Variants in FARP1 observed in about 807,000 individuals in gnomAD.
FARP1 encodes the protein FERM, ARH/RhoGEF and pleckstrin domain protein 1.
FARP1 carries 52 observed loss-of-function variants against 128.8 expected under a neutral mutation model. That is an observed-to-expected ratio of 0.40 (90% CI 0.32 to 0.51). The LOEUF is 0.51. Ranked by LOEUF, FARP1 falls within the 20% of genes least tolerant of loss-of-function variation. The pLI is 0.45. For synonymous variants in FARP1, 580 were observed against 551.8 expected (o/e 1.05, Z -0.72); for missense variants, 1,333 against 1,367.9 (o/e 0.97, Z 0.40).
At position 98,153,489 on chromosome 13, in the gene FARP1, C is replaced by T. The variant is rs60172046; in HGVS notation, c.-24+9997C>T. 4.1e-4 allele frequency among the ~76,000 whole-genome samples: 38 copies of T among 91,620 alleles called. 1 individual carries two copies. Among genetic ancestry groups the T allele is most frequent in the Middle Eastern group, 5.4e-3 (1 of 186 alleles). The allele number at this position is 91,620 out of a possible 152,430, so 60.1% of individuals were successfully genotyped here. A position where few individuals can be genotyped will look rare whatever the true frequency, so the allele number is the denominator to read the frequency against. On this transcript the variant is annotated intron_variant, in intron 1 of 26. Coordinates refer to ENST00000319562, the MANE Select transcript of FARP1 (RefSeq NM_005766.4). Reference sequence around the variant, plus strand: ...ATATAAATATGTATAATATATAATACATTATATAAAAATATGTATAAATAT... The same window carrying T: ...ATATAAATATGTATAATATATAATATATTATATAAAAATATGTATAAATAT...
intron 2 of FARP1, among the ~76,000 whole-genome samples, chr13:98,282,669 C>T (rs1884986260): frequency 6.6e-6 from 1 of 152,160 alleles, no homozygotes; most frequent in Non-Finnish European, 1.5e-5. Flanking sequence ...CTTTGAGAGG[C>T]CGAGGCAGGC....
chr13:98,307,916 G>A (rs1207374672), intron 2 of FARP1, among the ~76,000 whole-genome samples: 2 of 152,056 alleles, frequency 1.3e-5, no homozygotes, highest in Non-Finnish European at 2.9e-5. Flanking sequence ...AGCAAGGCAC[G>A]CAAGATCGTT....
chr13:98,349,727 A>G (rs1888335465), intron 3 of FARP1, among the ~76,000 whole-genome samples: 1 of 151,110 alleles, frequency 6.6e-6, no homozygotes, highest in South Asian at 2.1e-4. Context: ...GCCTGATAAA[A>G]TCAATTCTGG....
intron 2 of FARP1, among the ~76,000 whole-genome samples, chr13:98,262,391 C>T (rs548150874): frequency 2.4e-4 from 36 of 152,208 alleles, no homozygotes; most frequent in Admixed American, 7.8e-4. Flanking sequence ...ACAACACCCT[C>T]AGCTGGTTTT....
intron 17 of FARP1, among the ~76,000 whole-genome samples, chr13:98,429,196 G>A (rs913403506): frequency 1.1e-4 from 17 of 152,224 alleles, no homozygotes; most frequent in African/African-American, 3.6e-4. Context: ...CAGTGAGTGC[G>A]GGAGGATGCA....
chr13:98,299,386 C>T (rs1221231072), intron 2 of FARP1, among the ~76,000 whole-genome samples: 1 of 152,168 alleles, frequency 6.6e-6, no homozygotes, highest in Non-Finnish European at 1.5e-5. Flanking sequence ...CTCTGGCTGG[C>T]TCTATTTGAA....
chr13:98,383,382 A>G (rs116839748), intron 6 of FARP1, among the ~76,000 whole-genome samples: 20 of 152,322 alleles, frequency 1.3e-4, no homozygotes, highest in African/African-American at 4.8e-4. Context: ...GGTCTTTCGG[A>G]TGATGAGGAA....
At chr13:98,213,165 C>T in intron 1 of FARP1, 55 bp from the exon 2 acceptor site, 1 of 1,460,792 alleles carries the variant, frequency 6.8e-7, no homozygotes, top group Non-Finnish European at 9.3e-7. Flanking sequence ...TGGCACACAG[C>T]TTGGGTGGTA....
At chr13:98,226,459 A>G (rs1881773969) in intron 2 of FARP1, among the ~76,000 whole-genome samples, 1 of 150,700 alleles carries the variant, frequency 6.6e-6, no homozygotes. Context: ...CACAGGTACC[A>G]GGGATTAGGA....
intron 1 of FARP1, among the ~76,000 whole-genome samples, chr13:98,200,351 A>G (rs1434516474): frequency 3.3e-5 from 5 of 151,076 alleles, no homozygotes; most frequent in South Asian, 2.1e-4. Context: ...TTCTCAGACC[A>G]GAGCCTGCAT....
At chr13:98,382,578 A>G (rs1365475148) in intron 6 of FARP1, 2 of 152,222 alleles carry the variant, frequency 1.3e-5, no homozygotes, top group Non-Finnish European at 2.9e-5. Flanking sequence ...GTCAGGGCTC[A>G]TTATTCTCAG....
intron 1 of FARP1, among the ~76,000 whole-genome samples, chr13:98,197,050 G>C (rs1879604622): frequency 6.6e-6 from 1 of 152,196 alleles, no homozygotes; most frequent in African/African-American, 2.4e-5. Context: ...TGTGTGGTCT[G>C]CTTTTTAATG....
chr13:98,283,291 C>G (rs141540542), intron 2 of FARP1, among the ~76,000 whole-genome samples: 1 of 152,124 alleles, frequency 6.6e-6, no homozygotes, highest in Non-Finnish European at 1.5e-5. Flanking sequence ...TAGAGGAAGC[C>G]GTTCATGCAA....
chr13:98,222,328 A>G (rs1204683983), intron 2 of FARP1, among the ~76,000 whole-genome samples: 2 of 152,214 alleles, frequency 1.3e-5, no homozygotes. Flanking sequence ...ACCCTCTGAA[A>G]AATCCCTTGC....
rs377646202 is a variant in FARP1, at chr13:98,238,289, C to A, written c.171+24876C>A. Among the ~76,000 whole-genome samples the A allele has an allele frequency of 2.6e-5, 4 of 152,292 alleles. No individual in the cohort carries two copies. In the East Asian group the frequency reaches 7.7e-4, roughly 29 times the overall value. On this transcript the variant is annotated intron_variant, in intron 2 of 26. Transcript: ENST00000319562. ...CAACCCCTCCTCTTCCTCCTCAGCC[C>A]ACTTGAGGTGACGCTGTTGAGGATG...
intron 1 of FARP1, among the ~76,000 whole-genome samples, chr13:98,165,886 T>G: frequency 6.6e-6 from 1 of 151,596 alleles, no homozygotes; most frequent in Admixed American, 6.6e-5. Flanking sequence ...CCTGGCTAAT[T>G]TTTTTGTATT....
intron 13 of FARP1, chr13:98,403,552 G>T (rs768252157): frequency 4.6e-5 from 7 of 152,240 alleles, no homozygotes; most frequent in Non-Finnish European, 1.0e-4. Context: ...GGGGAAGTGG[G>T]TGGGAATGTA....
At chr13:98,347,557 T>A (rs1207666741) in intron 3 of FARP1, among the ~76,000 whole-genome samples, 2 of 151,898 alleles carry the variant, frequency 1.3e-5, no homozygotes, top group Admixed American at 1.3e-4. Flanking sequence ...TGCAGTGGCA[T>A]ACAACAAGCT....
intron 1 of FARP1, among the ~76,000 whole-genome samples, chr13:98,186,869 G>A (rs1265174312): frequency 6.6e-6 from 1 of 151,834 alleles, no homozygotes; most frequent in East Asian, 1.9e-4. Context: ...GCATGTGCCT[G>A]TAATCCCAGC....
Sources: gnomAD v4.1 joint callset for allele counts (sites outside exome capture counted in the v4.1 genomes callset) on GRCh38, gnomAD v4.1.1 for gene constraint, MANE v1.5 for transcripts, NCBI Gene and HGNC (gene_info 2026-07-23, HGNC 2026-07-21) for gene names.